Variants in KCNIP4 observed in about 807,000 individuals in gnomAD.
KCNIP4 encodes Kv channel-interacting protein 4.
Under a neutral mutation model 34.0 loss-of-function variants are expected in KCNIP4, and 12 were observed. The observed-to-expected ratio is 0.35, with a 90% CI of 0.23 to 0.57. The LOEUF (loss-of-function observed/expected upper bound fraction) is 0.57. Among genes scored for constraint, KCNIP4 ranks in the 20% least tolerant of loss-of-function variants. The probability of loss-of-function intolerance (pLI) is 0.83; values close to 1 mark genes in which losing one functional copy is unlikely to be tolerated. For synonymous variants in KCNIP4, 124 were observed against 102.2 expected, an observed-to-expected ratio of 1.21 and a Z score of -1.29; for missense variants, 238 against 311.7, an observed-to-expected ratio of 0.76 and a Z score of 1.78.
intron 1 of KCNIP4, among the ~76,000 whole-genome samples, chr4:21,270,986 C>CAAAAA (rs370059673): frequency 2.7e-5 from 3 of 111,352 alleles, no homozygotes; most frequent in East Asian, 3.6e-4. Context: ...TCCCTGTCCC[C>CAAAAA]AAAAAAAAAA....
chr4:21,268,612 T>TTGATTTC (rs1761958631), intron 1 of KCNIP4, among the ~76,000 whole-genome samples: 1 of 152,208 alleles, frequency 6.6e-6, no homozygotes, highest in South Asian at 2.1e-4. Context: ...GGAGACAGTG[T>TTGATTTC]TGCTTTCTGC....
chr4:21,702,904 T>C (rs1712969134), intron 1 of KCNIP4, among the ~76,000 whole-genome samples: 1 of 152,022 alleles, frequency 6.6e-6, no homozygotes, highest in Non-Finnish European at 1.5e-5. Context: ...ATATATATTA[T>C]AGTCAGGTAG....
At chr4:20,851,818 T>G (rs989145628) in intron 2 of KCNIP4, among the ~76,000 whole-genome samples, 2 of 152,184 alleles carry the variant, frequency 1.3e-5, no homozygotes, top group South Asian at 4.1e-4. Flanking sequence ...ATAATCAGTT[T>G]TGTGCCCTAT....
intron 1 of KCNIP4, among the ~76,000 whole-genome samples, chr4:21,465,424 T>C (rs1729834214): frequency 6.6e-6 from 1 of 152,154 alleles, no homozygotes; most frequent in Admixed American, 6.6e-5. Flanking sequence ...ATTTCTGATG[T>C]GGGCAAGAAG....
intron 1 of KCNIP4, among the ~76,000 whole-genome samples, chr4:20,988,659 A>G (rs1489051872): frequency 6.6e-6 from 1 of 152,250 alleles, no homozygotes; most frequent in Non-Finnish European, 1.5e-5. Flanking sequence ...CACAATGTAT[A>G]TAGAAACTAG....
chr4:21,705,402 C>T (rs928448551), intron 1 of KCNIP4, among the ~76,000 whole-genome samples: 2 of 152,074 alleles, frequency 1.3e-5, no homozygotes, highest in South Asian at 2.1e-4. Context: ...GTATTATTTG[C>T]TTATAATTCC....
At chr4:21,669,135 CCCTT>C (rs983375794) in intron 1 of KCNIP4, among the ~76,000 whole-genome samples, 3 of 146,630 alleles carry the variant, frequency 2.0e-5, no homozygotes, top group Non-Finnish European at 4.5e-5. Context: ...CTCCCTCCCT[CCCTT>C]CCTTCCTTCC....
chr4:21,358,232 T>C (rs567682602), intron 1 of KCNIP4, among the ~76,000 whole-genome samples: 2 of 152,014 alleles, frequency 1.3e-5, no homozygotes, highest in African/African-American at 2.4e-5. Context: ...GACGAGTTGA[T>C]GTGTGCAGCA....
chr4:21,131,801 T>C (rs914117413), intron 1 of KCNIP4, among the ~76,000 whole-genome samples: 5 of 152,206 alleles, frequency 3.3e-5, no homozygotes. Flanking sequence ...ATATACATTG[T>C]ACTTCCATGA....
intron 1 of KCNIP4, among the ~76,000 whole-genome samples, chr4:21,820,393 C>T (rs937243180): frequency 2.7e-5 from 4 of 149,336 alleles, no homozygotes; most frequent in African/African-American, 7.4e-5. Context: ...CTATATATGT[C>T]GACCCACATG....
At chr4:21,158,980 T>C (rs557738943) in intron 1 of KCNIP4, among the ~76,000 whole-genome samples, 1 of 152,304 alleles carries the variant, frequency 6.6e-6, no homozygotes, top group East Asian at 1.9e-4. Flanking sequence ...AAATATTATT[T>C]ATAATAGCTT....
At chr4:21,196,932 C>G (rs573165619) in intron 1 of KCNIP4, among the ~76,000 whole-genome samples, 1 of 152,166 alleles carries the variant, frequency 6.6e-6, no homozygotes, top group Non-Finnish European at 1.5e-5. Flanking sequence ...ATCTGTCTCC[C>G]TCATCCTTCT....
At chr4:21,939,348 T>A (rs1730065058) in intron 1 of KCNIP4, among the ~76,000 whole-genome samples, 1 of 152,158 alleles carries the variant, frequency 6.6e-6, no homozygotes, top group Non-Finnish European at 1.5e-5. Flanking sequence ...TGTTAGTATT[T>A]ATTACCTTCC....
chr4:21,178,474 C>A lies in KCNIP4; in HGVS notation c.62-295765G>T, dbSNP rs1419204782. On this transcript the variant is annotated intron_variant, in intron 1 of 8. Coordinates refer to ENST00000382152, the MANE Select transcript of KCNIP4 (RefSeq NM_025221.6). Reference sequence around the variant, plus strand: ...GGTTCACATGAAGGTAGTGGATTCACAGACCTCAGTTTATTTCCAGGTATA... The same window carrying A: ...GGTTCACATGAAGGTAGTGGATTCAAAGACCTCAGTTTATTTCCAGGTATA... Among the ~76,000 whole-genome samples, 1,175 of 150,434 alleles carry A rather than the reference C, an allele frequency of 7.8e-3. 33 individuals carry two copies. Among genetic ancestry groups the A allele is most frequent in the African/African-American group, 0.027 (1,071 of 39,860 alleles).
intron 2 of KCNIP4, among the ~76,000 whole-genome samples, chr4:20,854,637 GA>G (rs528227979): frequency 6.6e-6 from 1 of 151,794 alleles, no homozygotes; most frequent in African/African-American, 2.4e-5. Context: ...AATTTATGAG[GA>G]AAAAAAGAAT....
intron 1 of KCNIP4, among the ~76,000 whole-genome samples, chr4:20,982,563 A>G (rs556625837): frequency 2.1e-4 from 32 of 152,362 alleles, no homozygotes; most frequent in Non-Finnish European, 4.1e-4. Flanking sequence ...ATTGTGTCTA[A>G]GCAGAACTTA....
At chr4:20,916,406 G>A in intron 1 of KCNIP4, 2 of 900,734 alleles carry the variant, frequency 2.2e-6, no homozygotes, top group Non-Finnish European at 2.7e-6. Flanking sequence ...ATTTTCAGTA[G>A]CTTTATGCAC....
At chr4:21,515,758 G>A (rs1245939778) in intron 1 of KCNIP4, among the ~76,000 whole-genome samples, 1 of 152,126 alleles carries the variant, frequency 6.6e-6, no homozygotes, top group Non-Finnish European at 1.5e-5. Context: ...CTTAGAAAAG[G>A]AGGAGTTTGG....
intron 1 of KCNIP4, among the ~76,000 whole-genome samples, chr4:21,917,786 A>G (rs1393678284): frequency 6.6e-6 from 1 of 152,214 alleles, no homozygotes; most frequent in African/African-American, 2.4e-5. Flanking sequence ...CGATTTTCAA[A>G]TAAAATAAAA....
Sources: allele counts gnomAD v4.1 joint callset (sites outside exome capture counted in the v4.1 genomes callset), GRCh38; gene constraint gnomAD v4.1.1; transcripts MANE v1.5; gene names NCBI Gene and HGNC (gene_info 2026-07-23, HGNC 2026-07-21).